The following TIPIN variants were observed in gnomAD, a reference collection of about 807,000 sequenced individuals.
TIPIN encodes the protein TIMELESS interacting protein, also known as TIMELESS-interacting protein.
In TIPIN, 29 loss-of-function variants were observed where a neutral mutation model predicts 35.6. That is an observed-to-expected ratio of 0.82 (90% CI 0.61 to 1.11). TIPIN has a LOEUF of 1.11. TIPIN is among the 50% of genes most tolerant of loss of function. TIPIN has a pLI of 0.00. For missense variants in TIPIN, 296 were observed against 345.4 expected (o/e 0.86, Z 1.13); for synonymous variants, 102 against 121.5 (o/e 0.84, Z 1.06).
intron 1 of TIPIN, among the ~76,000 whole-genome samples, chr15:66,369,353 C>CTTTTT (rs59189335): frequency 2.3e-4 from 27 of 118,606 alleles, no homozygotes; most frequent in East Asian, 7.9e-4. Context: ...TTCACAATAT[C>CTTTTT]TTTTTTTTTT....
chr15:66,377,680 GT>G (rs2093302529), intron 1 of TIPIN, among the ~76,000 whole-genome samples: 2 of 149,322 alleles, frequency 1.3e-5, no homozygotes, highest in South Asian at 4.3e-4. Flanking sequence ...TGTTTGTTTT[GT>G]TTTTTAACTT....
intron 1 of TIPIN, chr15:66,383,549 C>T (rs1173959111): frequency 1.0e-6 from 1 of 981,330 alleles, no homozygotes; most frequent in Non-Finnish European, 1.2e-6. Flanking sequence ...AAGGTGTGAG[C>T]CACCACCACA....
intron 6 of TIPIN, among the ~76,000 whole-genome samples, chr15:66,341,994 G>C (rs1299415838): frequency 6.6e-6 from 1 of 152,068 alleles, no homozygotes; most frequent in Admixed American, 6.6e-5. Flanking sequence ...GACCAGTCTG[G>C]CCAACATGGT....
rs201442586 is a variant in TIPIN at position 66,367,833 on chromosome 15, G to GTTTTTTTTTT, written c.-8-14879_-8-14878insAAAAAAAAAA. On this transcript the variant is annotated intron_variant, in intron 1 of 7. Coordinates refer to the TIPIN transcript ENST00000562124. ...ATGTCCCTGTTATACATAAATCTTT[G>GTTTTTTTTTT]TTTTTGTTTTTTTTTTTTTGATTCA... Among the ~76,000 whole-genome samples the GTTTTTTTTTT allele has an allele frequency of 2.4e-5, 3 of 122,914 alleles. 1 individual carries two copies. Among genetic ancestry groups the GTTTTTTTTTT allele is most frequent in the Non-Finnish European group, 1.8e-5 (1 of 55,956 alleles). The allele number at this position is 122,914 out of a possible 152,430, so 80.6% of individuals were successfully genotyped here. A position where few individuals can be genotyped will look rare whatever the true frequency, so the allele number is the denominator to read the frequency against.
rs573875987 is a variant in TIPIN at position 66,386,335 on chromosome 15, A to G, written c.-9+272T>C. 2.6e-5 allele frequency: 4 copies of G among 152,152 alleles called. No individual in the cohort carries two copies. In the South Asian group the frequency reaches 6.2e-4, roughly 24 times the overall value. The allele number at this position is 152,152 out of a possible 1,614,324, so 9.4% of individuals were successfully genotyped here. On this transcript the variant is annotated intron_variant, in intron 1 of 7. Transcript: ENST00000562124. ...AAGTCTAAAAAAAAAAAAATCATCA[A>G]TCTGCTCTCAAAAACTGTCGCAACA...
chr15:66,337,327 T>TATA, intron 7 of TIPIN, 146 bp from the exon 8 acceptor site: 6 of 467,122 alleles, frequency 1.3e-5, no homozygotes, highest in Non-Finnish European at 2.2e-5. Flanking sequence ...TCTAAATATA[T>TATA]CTTTTTTTTT....
upstream of TIPIN, among the ~76,000 whole-genome samples, chr15:66,360,782 C>T (rs2093227599): frequency 1.3e-5 from 2 of 152,196 alleles, no homozygotes; most frequent in Admixed American, 1.3e-4. Flanking sequence ...GCCTGGCCAA[C>T]ATGGTGAAAA....
At chr15:66,358,949 C>T (rs187936869), upstream of TIPIN, among the ~76,000 whole-genome samples, 42 of 151,490 alleles carry the variant, frequency 2.8e-4, no homozygotes, top group Admixed American at 1.3e-4. Flanking sequence ...GAGGCTGAGG[C>T]GAGAGAATCG....
chr15:66,351,094 T>TCA (rs33994949), intron 4 of TIPIN, among the ~76,000 whole-genome samples: 152,055 of 152,282 alleles, frequency 1, 75,914 homozygotes, highest in Middle Eastern at 1. Context: ...GTAAAGTGAT[T>TCA]CAGTTACTAA....
At chr15:66,372,188 C>G (rs1029758472) in intron 1 of TIPIN, among the ~76,000 whole-genome samples, 2 of 152,180 alleles carry the variant, frequency 1.3e-5, no homozygotes, top group African/African-American at 4.8e-5. Flanking sequence ...ATCAAGAAAG[C>G]AGAGGTTGCC....
intron 1 of TIPIN, among the ~76,000 whole-genome samples, chr15:66,355,673 C>A (rs1484963535): frequency 6.6e-6 from 1 of 152,084 alleles, no homozygotes; most frequent in African/African-American, 2.4e-5. Context: ...ATCATTTGAA[C>A]CCAGGAGGCG....
intron 1 of TIPIN, among the ~76,000 whole-genome samples, chr15:66,373,417 C>T (rs371998455): frequency 8.0e-5 from 12 of 150,712 alleles, no homozygotes; most frequent in Middle Eastern, 3.4e-3. Flanking sequence ...GGCATGAACC[C>T]GGGAGGCGGA....
chr15:66,356,913 GT>G (rs897233572), upstream of TIPIN, among the ~76,000 whole-genome samples: 1 of 151,806 alleles, frequency 6.6e-6, no homozygotes, highest in Non-Finnish European at 1.5e-5. Context: ...TTATTCTGGG[GT>G]TTTTCTTTTT....
intron 1 of TIPIN, among the ~76,000 whole-genome samples, chr15:66,377,855 T>C (rs2093303315): frequency 6.6e-6 from 1 of 152,142 alleles, no homozygotes; most frequent in Non-Finnish European, 1.5e-5. Context: ...TTTTTCTTTT[T>C]TTTTTTCTTG....
In TIPIN at chr15:66,349,423, C is replaced by T. The variant is rs111502794; in HGVS notation, c.303G>A (p.Lys101=). ...AGTGCTCCATGTGTCTGATTAGCAT[C>T]TTCAAGTCTTCAGCCTGCCACATAA... The part of the protein sequence containing the change: ...KGKGHEAEDL[K]MLIRHMEHWA... The change falls in exon 5 of 8, where the codon AAG becomes AAA. Residue 101 remains lysine (K), a synonymous_variant. Coordinates refer to ENST00000261881, the MANE Select transcript of TIPIN (RefSeq NM_017858.3). 57 of 1,611,998 alleles carry T rather than the reference C, an allele frequency of 3.5e-5. 3 individuals are homozygous for T. The African/African-American group carries it at 3.6e-4, about 10-fold the overall frequency.
chr15:66,385,971 A>G (rs991675322), intron 1 of TIPIN, among the ~76,000 whole-genome samples: 7 of 151,398 alleles, frequency 4.6e-5, no homozygotes, highest in Admixed American at 3.3e-4. Flanking sequence ...GGGACTCACT[A>G]TGTTGCCCAG....
At position 66,337,058 on chromosome 15, in the gene TIPIN, G is replaced by A; in HGVS notation, c.806C>T (p.Ala269Val). Residue 269 changes from alanine to valine, a missense_variant, in exon 8 of 8, where the codon GCC (alanine) becomes GTC (valine). By Grantham distance (64) the Ala-to-Val change is moderately conservative. Transcript: ENST00000261881. ...TGTTTCCTCTTCATTTAAAGTATTGGCAATAGCATCATTACATGGATTGTC... is the reference window on the plus strand; with the variant it reads ...TGTTTCCTCTTCATTTAAAGTATTGACAATAGCATCATTACATGGATTGTC... ...ILDNPCNDAIANTLNEEETLL... is the reference protein window; with the variant it reads ...ILDNPCNDAIVNTLNEEETLL... 2 of 1,614,006 alleles carry A rather than the reference G, an allele frequency of 1.2e-6. No individual in the cohort carries two copies. Among genetic ancestry groups the A allele is most frequent in the Non-Finnish European group, 8.5e-7 (1 of 1,180,002 alleles).
chr15:66,347,499 T>G (rs968758849), intron 6 of TIPIN, among the ~76,000 whole-genome samples: 2 of 152,206 alleles, frequency 1.3e-5, no homozygotes, highest in Non-Finnish European at 2.9e-5. Flanking sequence ...TATTAACAAG[T>G]GCTATATAGG....
chr15:66,380,445 A>G (rs1246465110), intron 1 of TIPIN, among the ~76,000 whole-genome samples: 2 of 152,220 alleles, frequency 1.3e-5, no homozygotes, highest in African/African-American at 4.8e-5. Flanking sequence ...AGTTGTGTCC[A>G]GTGCTATCTC....
Sources: allele counts gnomAD v4.1 joint callset (sites outside exome capture counted in the v4.1 genomes callset), GRCh38; gene constraint gnomAD v4.1.1; transcripts MANE v1.5; gene names NCBI Gene and HGNC (gene_info 2026-07-23, HGNC 2026-07-21).